Variants in DSCAM observed in about 807,000 individuals in gnomAD.
The protein encoded by DSCAM is cell adhesion molecule DSCAM.
A neutral mutation model predicts 217.7 loss-of-function variants in DSCAM; 47 were observed. The ratio of observed to expected loss-of-function variants is 0.22; its 90% CI spans 0.17 to 0.28. The LOEUF (loss-of-function observed/expected upper bound fraction) is 0.28, where lower values mean the gene tolerates loss of function less well. Ranked by LOEUF, DSCAM falls within the 10% of genes least tolerant of loss-of-function variation. DSCAM has a pLI of 1.00. For missense variants in DSCAM, 2,080 were observed against 2,618.3 expected (o/e 0.79, Z 4.49); for synonymous variants, 1,056 against 1,015.3 (o/e 1.04, Z -0.76).
At chr21:40,632,372 G>A (rs2089703530) in intron 3 of DSCAM, among the ~76,000 whole-genome samples, 1 of 151,162 alleles carries the variant, frequency 6.6e-6, no homozygotes, top group African/African-American at 2.4e-5. Context: ...GGGAGGGTGA[G>A]AGGACAGTTG....
chr21:40,353,799 T>C, intron 4 of DSCAM, 56 bp from the exon 5 acceptor site: 9 of 1,405,218 alleles, frequency 6.4e-6, no homozygotes, highest in Non-Finnish European at 8.4e-6. Flanking sequence ...AGTGGTCATT[T>C]AGAATTGTAG....
chr21:40,751,830 A>G (rs945159959), intron 1 of DSCAM, among the ~76,000 whole-genome samples: 35 of 152,304 alleles, frequency 2.3e-4, no homozygotes, highest in African/African-American at 7.9e-4. Flanking sequence ...AAGACAAAAA[A>G]AGACAAAGTT....
chr21:40,087,080 C>T (rs2089542442), intron 22 of DSCAM, 90 bp downstream of exon 22: 1 of 967,146 alleles, frequency 1.0e-6, no homozygotes, highest in Non-Finnish European at 1.6e-6. Context: ...TAAATAAACA[C>T]AAAATTAGGA....
At chr21:40,355,453 A>G (rs1028495432) in intron 4 of DSCAM, among the ~76,000 whole-genome samples, 4 of 152,208 alleles carry the variant, frequency 2.6e-5, no homozygotes, top group African/African-American at 4.8e-5. Context: ...TGTGGAAACC[A>G]CGCAGCTCAA....
chr21:40,286,829 GATCTGCAGTATGATCTGCAGGT>G (rs60809013), intron 10 of DSCAM, among the ~76,000 whole-genome samples: 4,477 of 35,034 alleles, frequency 0.13, 122 homozygotes, highest in East Asian at 0.28. Context: ...TCCATGGTGT[GATCTGCAGTATGATCTGCAGGT>G]ATCTGCAGTG....
chr21:40,447,849 T>C (rs955014685), intron 3 of DSCAM, among the ~76,000 whole-genome samples: 3 of 152,228 alleles, frequency 2.0e-5, no homozygotes, highest in African/African-American at 7.2e-5. Context: ...GATGCTTATA[T>C]CGATCAACTT....
At chr21:40,157,640 G>T (rs533649720) in intron 16 of DSCAM, among the ~76,000 whole-genome samples, 37 of 152,280 alleles carry the variant, frequency 2.4e-4, no homozygotes, top group South Asian at 6.2e-4. Flanking sequence ...GGGATTAAGA[G>T]GAGGATGGCA....
intron 3 of DSCAM, among the ~76,000 whole-genome samples, chr21:40,464,795 C>T (rs886922409): frequency 1.3e-5 from 2 of 150,326 alleles, no homozygotes; most frequent in African/African-American, 4.9e-5. Context: ...GGCTGGAGCA[C>T]GGTGGTGCAA....
intron 10 of DSCAM, among the ~76,000 whole-genome samples, chr21:40,281,513 A>G (rs182292473): frequency 4.7e-4 from 72 of 152,322 alleles, no homozygotes; most frequent in African/African-American, 1.7e-3. Flanking sequence ...TTCAGGGAGA[A>G]GAATTTCGGA....
intron 3 of DSCAM, among the ~76,000 whole-genome samples, chr21:40,411,504 A>G (rs2075323136): frequency 6.6e-6 from 1 of 152,172 alleles, no homozygotes; most frequent in Admixed American, 6.5e-5. Flanking sequence ...TATAAAATGC[A>G]AGACCTAATC....
chr21:40,800,317 G>A (rs1051851209), intron 1 of DSCAM, among the ~76,000 whole-genome samples: 13 of 152,144 alleles, frequency 8.5e-5, no homozygotes, highest in Non-Finnish European at 1.8e-4. Flanking sequence ...GTGGGGTGTT[G>A]ATGATAGTGA....
At chr21:40,121,970 C>T (rs566226777) in intron 20 of DSCAM, among the ~76,000 whole-genome samples, 5 of 152,148 alleles carry the variant, frequency 3.3e-5, no homozygotes, top group African/African-American at 7.2e-5. Context: ...GGATTACAGG[C>T]GTGAGCCACC....
At chr21:40,027,136 A>T (rs1702435943) in intron 32 of DSCAM, among the ~76,000 whole-genome samples, 1 of 152,040 alleles carries the variant, frequency 6.6e-6, no homozygotes, top group Admixed American at 6.5e-5. Flanking sequence ...TCACTTATGA[A>T]GCTTAGTTTG....
chr21:40,626,355 C>A (rs745575759), intron 3 of DSCAM, among the ~76,000 whole-genome samples: 1 of 152,140 alleles, frequency 6.6e-6, no homozygotes, highest in Non-Finnish European at 1.5e-5. Flanking sequence ...TATGTAGACA[C>A]CTGAAATAAC....
At chr21:40,229,891 A>G (rs747275684) in intron 11 of DSCAM, among the ~76,000 whole-genome samples, 6 of 152,180 alleles carry the variant, frequency 3.9e-5, no homozygotes, top group Non-Finnish European at 8.8e-5. Context: ...ATCCTAAGAC[A>G]ACACTGTATT....
At position 40,404,927 on chromosome 21, in the gene DSCAM, C is replaced by T. The variant is rs192649411; in HGVS notation, c.509-35682G>A. 2.1e-3 allele frequency among the ~76,000 whole-genome samples: 320 copies of T among 152,290 alleles called. 1 individual carries two copies. Among genetic ancestry groups the T allele is most frequent in the African/African-American group, 7.3e-3 (305 of 41,562 alleles). ...CAGTAACAGACCTAGGCAATAGATT[C>T]TAGGATCTCAGAGACATATGAAATA... On this transcript the variant is annotated intron_variant, in intron 3 of 32. Transcript: ENST00000400454.
chr21:40,383,817 T>C lies in DSCAM; in HGVS notation c.509-14572A>G, dbSNP rs576001861. On this transcript the variant is annotated intron_variant, in intron 3 of 32. Transcript: ENST00000400454. Reference sequence around the variant, plus strand: ...ATGCATTTTTTTATAATTACATTGTTTTAAGTAAACAAGAATTATTCAAAG... The same window carrying C: ...ATGCATTTTTTTATAATTACATTGTCTTAAGTAAACAAGAATTATTCAAAG... 3.3e-5 allele frequency: 5 copies of C among 152,308 alleles called. No individual in the cohort carries two copies. In the South Asian group the frequency reaches 1.0e-3, roughly 32 times the overall value. The allele number at this position is 152,308 out of a possible 1,614,324, so 9.4% of individuals were successfully genotyped here.
intron 1 of DSCAM, among the ~76,000 whole-genome samples, chr21:40,780,423 G>GTATATATATATATATATATATATATATA (rs71186965): frequency 1.8e-4 from 10 of 56,410 alleles, no homozygotes; most frequent in African/African-American, 3.8e-4. Context: ...GTGTGTGTGT[G>GTATATATATATATATATATATATATATA]TATATATATA....
At chr21:40,642,226 G>T (rs887053427) in intron 3 of DSCAM, among the ~76,000 whole-genome samples, 7 of 152,036 alleles carry the variant, frequency 4.6e-5, no homozygotes, top group African/African-American at 1.5e-4. Flanking sequence ...TTCAATACTG[G>T]TGTTCCTCAT....
Sources: allele counts gnomAD v4.1 joint callset (sites outside exome capture counted in the v4.1 genomes callset), GRCh38; gene constraint gnomAD v4.1.1; transcripts MANE v1.5; gene names NCBI Gene and HGNC (gene_info 2026-07-23, HGNC 2026-07-21).